The following CDK14 variants were observed in gnomAD, a reference collection of about 807,000 sequenced individuals.
The protein encoded by CDK14 is cyclin-dependent kinase 14.
CDK14 carries 34 observed loss-of-function variants against 60.7 expected under a neutral mutation model. The observed-to-expected ratio is 0.56, with a 90% CI of 0.43 to 0.75. The LOEUF (loss-of-function observed/expected upper bound fraction) is 0.75, where lower values mean the gene tolerates loss of function less well. CDK14 is among the 30% of genes least tolerant of loss of function. The pLI, the probability that CDK14 is intolerant of heterozygous loss-of-function variation, is 0.00. For synonymous variants in CDK14, 197 were observed against 203.7 expected (o/e 0.97, Z 0.28); for missense variants, 482 against 564.1 (o/e 0.85, Z 1.47).
At chr7:90,736,063 A>C (rs1405313882) in intron 3 of CDK14, among the ~76,000 whole-genome samples, 2 of 152,036 alleles carry the variant, frequency 1.3e-5, no homozygotes, top group Non-Finnish European at 2.9e-5. Flanking sequence ...TCATGGCTTC[A>C]CTTGGCTGGG....
chr7:90,848,140 C>T (rs908944464), intron 5 of CDK14, among the ~76,000 whole-genome samples: 4 of 152,012 alleles, frequency 2.6e-5, no homozygotes, highest in Non-Finnish European at 5.9e-5. Context: ...CTTAACCTGT[C>T]GCCCAGGCTG....
intron 8 of CDK14, among the ~76,000 whole-genome samples, chr7:90,932,975 C>T (rs886716096): frequency 6.6e-6 from 1 of 152,160 alleles, no homozygotes; most frequent in East Asian, 1.9e-4. Context: ...CGTTTGCCAA[C>T]CATTGTTGGT....
At chr7:90,953,854 C>T (rs908362880) in intron 8 of CDK14, among the ~76,000 whole-genome samples, 4 of 152,138 alleles carry the variant, frequency 2.6e-5, no homozygotes, top group African/African-American at 9.7e-5. Context: ...ATTTGAGGAA[C>T]CAACCCTTTT....
At chr7:90,781,242 C>T (rs907962915) in intron 4 of CDK14, among the ~76,000 whole-genome samples, 110 of 152,190 alleles carry the variant, frequency 7.2e-4, no homozygotes, top group African/African-American at 2.3e-3. Flanking sequence ...TCATGTCCTT[C>T]GCCCACTTTT....
chr7:90,614,840 T>A (rs7811620), intron 2 of CDK14, among the ~76,000 whole-genome samples: 29,947 of 152,020 alleles, frequency 0.2, 3,137 homozygotes, highest in Middle Eastern at 0.29. Context: ...TTAATTAATT[T>A]ATTTATTTAT....
chr7:91,155,111 G>T (rs945690355), intron 14 of CDK14, among the ~76,000 whole-genome samples: 1 of 152,156 alleles, frequency 6.6e-6, no homozygotes, highest in Non-Finnish European at 1.5e-5. Context: ...AGACTCCCAG[G>T]AAAAGTGAGG....
chr7:90,893,704 A>G (rs375884829), intron 6 of CDK14, among the ~76,000 whole-genome samples: 11 of 152,348 alleles, frequency 7.2e-5, no homozygotes, highest in South Asian at 2.1e-4. Flanking sequence ...GCACAATACT[A>G]TGTATTTAAA....
At chr7:90,747,578 T>G in intron 3 of CDK14, 103 bp from the exon 4 acceptor site, 1 of 680,456 alleles carries the variant, frequency 1.5e-6, no homozygotes, top group Non-Finnish European at 2.5e-6. Context: ...AAACAGTTAT[T>G]TAAAAAGTGA....
At position 90,802,493 on chromosome 7, in the gene CDK14, G is replaced by A. The variant is rs528928415; in HGVS notation, c.544+11841G>A. On this transcript the variant is annotated intron_variant, in intron 5 of 14. Transcript: ENST00000380050. The stretch of plus-strand genomic sequence containing the variant: ...TGCATCCTCATGGTCTTCAAGCTAT[G>A]TGTTTGGTCTTACAGTAAATTTTAA... Among the ~76,000 whole-genome samples the A allele has an allele frequency of 2.6e-5, 4 of 152,332 alleles. No individual in the cohort carries two copies. The South Asian group carries it at 8.3e-4, about 32-fold the overall frequency.
intron 2 of CDK14, among the ~76,000 whole-genome samples, chr7:90,649,296 C>CTTTCT (rs1800545792): frequency 1.4e-5 from 1 of 69,722 alleles, no homozygotes; most frequent in African/African-American, 7.2e-5. Context: ...TTCTTTCTTT[C>CTTTCT]TTTCTTTCTT....
At chr7:90,773,935 G>A (rs1225618072) in intron 4 of CDK14, among the ~76,000 whole-genome samples, 1 of 110,486 alleles carries the variant, frequency 9.1e-6, no homozygotes, top group African/African-American at 3.5e-5. Context: ...ATGGAGTCTT[G>A]CTCTGTTGCC....
rs200180051 is a variant in CDK14, at chr7:90,605,346, C to CTG, written c.123+1103_123+1104dup. Among the ~76,000 whole-genome samples the CTG allele has an allele frequency of 1.4e-3, 209 of 152,314 alleles. 3 individuals carry two copies. The East Asian group carries it at 0.035, about 26-fold the overall frequency. ...TTTTCCTGGGCTGAGCTTTACAAAG[C>CTG]TGTGTGTCCCTGGACTCCAAAGCAA... On this transcript the variant is annotated intron_variant, in intron 2 of 14. Transcript: ENST00000380050.
chr7:90,664,449 A>G (rs1359721604), intron 2 of CDK14, among the ~76,000 whole-genome samples: 2 of 152,226 alleles, frequency 1.3e-5, no homozygotes, highest in African/African-American at 2.4e-5. Flanking sequence ...GTATATACCC[A>G]AAGGATTATA....
At chr7:90,986,985 G>C (rs1795388307) in intron 10 of CDK14, among the ~76,000 whole-genome samples, 1 of 150,242 alleles carries the variant, frequency 6.7e-6, no homozygotes, top group African/African-American at 2.4e-5. Context: ...ATTACTTTAG[G>C]TTGAATTATA....
intron 8 of CDK14, among the ~76,000 whole-genome samples, chr7:90,954,106 A>G (rs924333949): frequency 2.0e-5 from 3 of 152,192 alleles, no homozygotes; most frequent in African/African-American, 7.2e-5. Flanking sequence ...GTAAATATCA[A>G]CCAATTTATA....
intron 11 of CDK14, among the ~76,000 whole-genome samples, chr7:91,064,035 T>C (rs960203069): frequency 6.6e-6 from 1 of 152,172 alleles, no homozygotes; most frequent in Non-Finnish European, 1.5e-5. Context: ...AATGATTAAG[T>C]AATCTGTTCA....
intron 10 of CDK14, among the ~76,000 whole-genome samples, chr7:91,010,389 C>A (rs1796116902): frequency 6.6e-6 from 1 of 152,074 alleles, no homozygotes. Context: ...GTCTTCCAAT[C>A]TATGAACATA....
rs1173891841 is a variant in CDK14, at chr7:90,856,485, T to G, written c.545-6690T>G. 3.3e-5 allele frequency among the ~76,000 whole-genome samples: 5 copies of G among 151,510 alleles called. No individual in the cohort carries two copies. The East Asian group carries it at 9.6e-4, about 29-fold the overall frequency. On this transcript the variant is annotated intron_variant, in intron 5 of 14. Transcript: ENST00000380050. Reference sequence around the variant, plus strand: ...ACAGTCACAGTGTTTATCATTGCTCTTCCAGTGTTTAGGCCAAGCAGGCAG... The same window carrying G: ...ACAGTCACAGTGTTTATCATTGCTCGTCCAGTGTTTAGGCCAAGCAGGCAG...
At chr7:90,771,049 G>C (rs1353407214) in intron 4 of CDK14, among the ~76,000 whole-genome samples, 1 of 152,174 alleles carries the variant, frequency 6.6e-6, no homozygotes, top group Non-Finnish European at 1.5e-5. Flanking sequence ...CGCTTAGCAA[G>C]AATTCCTTCT....
Sources: allele counts gnomAD v4.1 joint callset (sites outside exome capture counted in the v4.1 genomes callset), GRCh38; gene constraint gnomAD v4.1.1; transcripts MANE v1.5; gene names NCBI Gene and HGNC (gene_info 2026-07-23, HGNC 2026-07-21).